Variants in OXNAD1 observed in about 807,000 individuals in gnomAD.
OXNAD1 encodes oxidoreductase NAD binding domain containing 1.
OXNAD1 carries 34 observed loss-of-function variants against 32.9 expected under a neutral mutation model. The observed-to-expected ratio is 1.03, with a 90% confidence interval of 0.79 to 1.38. OXNAD1 has a LOEUF of 1.38. OXNAD1 is among the 40% of genes most tolerant of loss of function. The pLI is 0.00. For missense variants in OXNAD1, 407 were observed against 379.4 expected, an observed-to-expected ratio of 1.07 and a Z score of -0.60; for synonymous variants, 134 against 135.2, an observed-to-expected ratio of 0.99 and a Z score of 0.06.
rs528793662 is a variant in OXNAD1, at chr3:16,321,589, C to T, written c.*31-15523C>T. ...CTTCCAAGGAGTCTGGCTGTGAAGC[C>T]CCCCTCTCTGGAGGACTCCCATCTG... On this transcript the variant is annotated intron_variant, in intron 9 of 9. Transcript: ENST00000435829. This position sits in a 1 kb window ranked among gnomAD's most constrained non-coding sequence, Gnocchi z 4.8. 1.1e-4 allele frequency among the ~76,000 whole-genome samples: 16 copies of T among 152,226 alleles called. No homozygotes were observed. Among genetic ancestry groups the T allele is most frequent in the Non-Finnish European group, 2.9e-5 (2 of 68,006 alleles).
chr3:16,302,016 C>A lies in OXNAD1; in HGVS notation c.675+148C>A. ...TCATGCTTAAATGAGAACTAACCAACACACCTTACCCAAGACAAGTAAAAC... is the reference window on the plus strand; with the variant it reads ...TCATGCTTAAATGAGAACTAACCAAAACACCTTACCCAAGACAAGTAAAAC... On this transcript the variant is annotated intron_variant, in intron 7 of 8. Transcript: ENST00000285083. This position sits in a 1 kb window ranked among gnomAD's most constrained non-coding sequence, Gnocchi z 4.2. The A allele has an allele frequency of 9.8e-7, 1 of 1,017,248 alleles. No homozygotes were observed. The highest frequency in any genetic ancestry group is 1.4e-6 in the Non-Finnish European group (1 of 713,698). The allele number at this position is 1,017,248 out of a possible 1,614,324, so 63.0% of individuals were successfully genotyped here. A position where few individuals can be genotyped will look rare whatever the true frequency, so the allele number is the denominator to read the frequency against.
rs1441190913 is a variant in OXNAD1, at chr3:16,322,731, A to G, written c.*31-14381A>G. Among the ~76,000 whole-genome samples, 1 of 152,176 alleles carries G rather than the reference A, an allele frequency of 6.6e-6. No homozygotes were observed. The highest frequency in any genetic ancestry group is 1.9e-4 in the East Asian group (1 of 5,186). ...GCTCAACCTTCAGGAATCACAGAGA[A>G]GACTCTCTGAGAAGGCCAGTCTCTG... On this transcript the variant is annotated intron_variant, in intron 9 of 9. Coordinates refer to the OXNAD1 transcript ENST00000435829. This position sits in a 1 kb window ranked among gnomAD's most constrained non-coding sequence, Gnocchi z 6.2.
intron 4 of OXNAD1, among the ~76,000 whole-genome samples, chr3:16,282,061 T>G (rs958719980): frequency 3.9e-5 from 5 of 129,036 alleles, no homozygotes; most frequent in African/African-American, 1.7e-4. Context: ...TTTTTTTTTT[T>G]GTAGAGATGT....
intron 9 of OXNAD1, among the ~76,000 whole-genome samples, chr3:16,328,211 C>T (rs1347374848): frequency 6.6e-6 from 1 of 152,216 alleles, no homozygotes; most frequent in African/African-American, 2.4e-5. Context: ...GGAGAGATCC[C>T]AGCCACAGTC....
Position 16,280,212 on chromosome 3 carries a change from T to C in OXNAD1, c.184-6130T>C, listed in dbSNP as rs1443489417. ...GGGAGATCCTAGAGCTCGTGTGTTC[T>C]GATGGGGAGGGTAGAGAGGGTGTGA... On this transcript the variant is annotated intron_variant, in intron 4 of 8. Transcript: ENST00000285083. The surrounding 1 kb of genome is among the most constrained non-coding windows in gnomAD (Gnocchi z 4.5). 6.6e-6 allele frequency among the ~76,000 whole-genome samples: 1 copy of C among 152,090 alleles called. No homozygotes were observed. The highest frequency in any genetic ancestry group is 1.5e-5 in the Non-Finnish European group (1 of 68,010).
Position 16,302,706 on chromosome 3 carries a change from C to T in OXNAD1, c.742C>T (p.Gln248Ter). ...KIACSLHVTK[Q>*]TTQINAELKP... ...TGCATGCAGTTTGCATGTTACAAAA[C>T]AGACTACACAAATCAATGCGGAACT... is the stretch of plus-strand genomic sequence containing the variant. The change falls in exon 8 of 9, where the codon CAG (glutamine) becomes TAG (stop). Residue 248 changes from glutamine to a stop codon, truncating the protein, a stop_gained. Coordinates refer to ENST00000285083, the MANE Select transcript of OXNAD1 (RefSeq NM_138381.5). LOFTEE classifies it high-confidence loss of function. This position sits in a 1 kb window ranked among gnomAD's most constrained non-coding sequence, Gnocchi z 4.2. 1 of 1,613,428 alleles carries T rather than the reference C, an allele frequency of 6.2e-7. No individual in the cohort carries two copies. The highest frequency in any genetic ancestry group is 1.1e-5 in the South Asian group (1 of 91,044).
In OXNAD1 at chr3:16,312,278, A is replaced by AACCCAG. The variant is rs2068030429; in HGVS notation, c.*30+8687_*30+8692dup. ...AAAACTCTAGGAGCCAGGTACAGGA[A>AACCCAG]ACCCAGCCTCTCCTGGGAAGCTGCA... On this transcript the variant is annotated intron_variant, in intron 9 of 9. Coordinates refer to the OXNAD1 transcript ENST00000435829. This position sits in a 1 kb window ranked among gnomAD's most constrained non-coding sequence, Gnocchi z 4.7. Among the ~76,000 whole-genome samples, 5 of 152,276 alleles carry AACCCAG rather than the reference A, an allele frequency of 3.3e-5. No homozygotes were observed. Among genetic ancestry groups the AACCCAG allele is most frequent in the Admixed American group, 3.3e-4 (5 of 15,294 alleles).
rs916960344 is a variant in OXNAD1 at position 16,288,466 on chromosome 3, A to T, written c.290+2018A>T. 5.9e-5 allele frequency among the ~76,000 whole-genome samples: 9 copies of T among 152,172 alleles called. No individual in the cohort carries two copies. Among genetic ancestry groups the T allele is most frequent in the African/African-American group, 2.2e-4 (9 of 41,432 alleles). On this transcript the variant is annotated intron_variant, in intron 5 of 8. Coordinates refer to ENST00000285083, the MANE Select transcript of OXNAD1 (RefSeq NM_138381.5). The surrounding 1 kb of genome is among the most constrained non-coding windows in gnomAD (Gnocchi z 5.1). Reference sequence around the variant, plus strand: ...AGAATGAGGTTCCAGGCACAACTCTAACTAAATAAATGAATGTTGTCTGTG... The same window carrying T: ...AGAATGAGGTTCCAGGCACAACTCTTACTAAATAAATGAATGTTGTCTGTG...
rs142815767 is a variant in OXNAD1, at chr3:16,320,655, G to A, written c.*31-16457G>A. Among the ~76,000 whole-genome samples the A allele has an allele frequency of 6.6e-6, 1 of 152,334 alleles. No homozygotes were observed. Among genetic ancestry groups the A allele is most frequent in the African/African-American group, 2.4e-5 (1 of 41,572 alleles). ...AAAGGAGTCTGGTTTGGTATAAAAG[G>A]AGACAGCACTGTTCTGAGAAAAGGA... On this transcript the variant is annotated intron_variant, in intron 9 of 9. Coordinates refer to the OXNAD1 transcript ENST00000435829. The surrounding 1 kb of genome is among the most constrained non-coding windows in gnomAD (Gnocchi z 4.5).
Position 16,280,745 on chromosome 3 carries a change from G to A in OXNAD1, c.184-5597G>A, listed in dbSNP as rs1021758897. 1.3e-5 allele frequency among the ~76,000 whole-genome samples: 2 copies of A among 151,986 alleles called. No homozygotes were observed. The highest frequency in any genetic ancestry group is 2.9e-5 in the Non-Finnish European group (2 of 67,998). ...CCTGTACAGAGACTTTTGCACCAGC[G>A]GTAACATCAAAATATCCTACATAAA... is the stretch of plus-strand genomic sequence containing the variant. On this transcript the variant is annotated intron_variant, in intron 4 of 8. Coordinates refer to ENST00000285083, the MANE Select transcript of OXNAD1 (RefSeq NM_138381.5). This position sits in a 1 kb window ranked among gnomAD's most constrained non-coding sequence, Gnocchi z 4.5.
At chr3:16,313,839 TGTCA>T (rs1321148039) in intron 9 of OXNAD1, 1 of 152,200 alleles carries the variant, frequency 6.6e-6, no homozygotes, top group Non-Finnish European at 1.5e-5. Flanking sequence ...GCTTTCCATG[TGTCA>T]GTATTTTGAC....
rs984330415 is a variant in OXNAD1, at chr3:16,297,462, A to G, written c.432+2465A>G. 6.6e-6 allele frequency among the ~76,000 whole-genome samples: 1 copy of G among 152,240 alleles called. No individual in the cohort carries two copies. The highest frequency in any genetic ancestry group is 2.4e-5 in the African/African-American group (1 of 41,466). On this transcript the variant is annotated intron_variant, in intron 6 of 8. Coordinates refer to ENST00000285083, the MANE Select transcript of OXNAD1 (RefSeq NM_138381.5). This position sits in a 1 kb window ranked among gnomAD's most constrained non-coding sequence, Gnocchi z 4.3. ...TTAGCAGTTTTCTATAAAGTTAAAC[A>G]TACACCTAACATATGACCCAGCAAT...
downstream of OXNAD1, among the ~76,000 whole-genome samples, chr3:16,308,645 C>T (rs1218465344): frequency 6.6e-6 from 1 of 152,156 alleles, no homozygotes; most frequent in Non-Finnish European, 1.5e-5. The surrounding 1 kb of genome is among the most constrained non-coding windows in gnomAD (Gnocchi z 4.4). Flanking sequence ...ATACAATAAG[C>T]TAGCAGTGTG....
rs531555191 is a variant in OXNAD1, at chr3:16,284,470, T to C, written c.184-1872T>C. ...GCCTATTGTTCCTAGAGGACAAACC[T>C]ATATGCATGTTACTGTACTGAATAT... On this transcript the variant is annotated intron_variant, in intron 4 of 8. Coordinates refer to ENST00000285083, the MANE Select transcript of OXNAD1 (RefSeq NM_138381.5). This position sits in a 1 kb window ranked among gnomAD's most constrained non-coding sequence, Gnocchi z 4.1. Among the ~76,000 whole-genome samples, 215 of 152,336 alleles carry C rather than the reference T, an allele frequency of 1.4e-3. No homozygotes were observed. Among genetic ancestry groups the C allele is most frequent in the Non-Finnish European group, 2.6e-3 (180 of 68,026 alleles).
intron 9 of OXNAD1, chr3:16,347,742 T>G (rs2125310313): frequency 6.6e-6 from 1 of 152,368 alleles, no homozygotes; most frequent in African/African-American, 2.4e-5. Context: ...ATATACACAT[T>G]TGCACTGTAA....
chr3:16,321,050 G>A lies in OXNAD1; in HGVS notation c.*31-16062G>A, dbSNP rs572380214. 4.1e-4 allele frequency among the ~76,000 whole-genome samples: 62 copies of A among 152,226 alleles called. No homozygotes were observed. The highest frequency in any genetic ancestry group is 1.4e-3 in the African/African-American group (58 of 41,532). On this transcript the variant is annotated intron_variant, in intron 9 of 9. Coordinates refer to the OXNAD1 transcript ENST00000435829. This position sits in a 1 kb window ranked among gnomAD's most constrained non-coding sequence, Gnocchi z 4.8. The stretch of plus-strand genomic sequence containing the variant: ...AGAGCCTCCGGGACCTAACACAGAT[G>A]GGTCTTAAGGATAGATTGAATATAG...
intron 9 of OXNAD1, among the ~76,000 whole-genome samples, chr3:16,324,009 A>G (rs1001982711): frequency 3.3e-5 from 5 of 151,948 alleles, no homozygotes; most frequent in African/African-American, 1.2e-4. Flanking sequence ...GGGAGGGGCG[A>G]CTCGTATCTT....
Position 16,344,867 on chromosome 3 carries a change from A to G in OXNAD1, c.*31-4309A>G, listed in dbSNP as rs907239906. Among the ~76,000 whole-genome samples, 11 of 152,236 alleles carry G rather than the reference A, an allele frequency of 7.2e-5. No homozygotes were observed. Among genetic ancestry groups the G allele is most frequent in the Non-Finnish European group, 1.2e-4 (8 of 68,040 alleles). On this transcript the variant is annotated intron_variant, in intron 9 of 9. Coordinates refer to the OXNAD1 transcript ENST00000606098. This position sits in a 1 kb window ranked among gnomAD's most constrained non-coding sequence, Gnocchi z 4.4. ...TGGTAGTGAGTGAACACATAACTAC[A>G]AGAACACCCCCCAACCTTTTATGCT...
chr3:16,339,186 A>T (rs890730676), downstream of OXNAD1: 4 of 152,240 alleles, frequency 2.6e-5, no homozygotes, highest in Non-Finnish European at 5.9e-5. Flanking sequence ...AAGGTGCCAC[A>T]TTCTCAAGCC....
Sources: allele counts gnomAD v4.1 joint callset (sites outside exome capture counted in the v4.1 genomes callset), GRCh38; gene constraint gnomAD v4.1.1; non-coding constraint Gnocchi (gnomAD v3.1); transcripts MANE v1.5; gene names NCBI Gene and HGNC (gene_info 2026-07-23, HGNC 2026-07-21).